The following NSD1 variants were observed in gnomAD, a reference collection of about 807,000 sequenced individuals.
NSD1 encodes the protein histone-lysine N-methyltransferase, H3 lysine-36 specific.
A neutral mutation model predicts 242.7 loss-of-function variants in NSD1; 26 were observed. The ratio of observed to expected loss-of-function variants is 0.11; its 90% CI spans 0.08 to 0.15. The LOEUF (loss-of-function observed/expected upper bound fraction) is 0.15. Among genes scored for constraint, NSD1 ranks in the 10% least tolerant of loss-of-function variants. The probability of loss-of-function intolerance (pLI) is 1.00; values close to 1 mark genes in which losing one functional copy is unlikely to be tolerated. For missense variants in NSD1, 2,495 were observed against 3,272.8 expected (o/e 0.76, Z 5.80); for synonymous variants, 1,106 against 1,178.1 (o/e 0.94, Z 1.25).
At chr5:177,215,095 A>G (rs776680707) in intron 5 of NSD1, among the ~76,000 whole-genome samples, 7 of 152,086 alleles carry the variant, frequency 4.6e-5, no homozygotes, top group Non-Finnish European at 7.3e-5. Flanking sequence ...GTTGATGGAC[A>G]TTTAGATTGC....
intron 20 of NSD1, among the ~76,000 whole-genome samples, chr5:177,285,291 C>T (rs367831775): frequency 6.6e-6 from 1 of 151,980 alleles, no homozygotes; most frequent in Admixed American, 6.6e-5. Flanking sequence ...TGGCTGGGCG[C>T]GATGGTTCAC....
In NSD1 at chr5:177,295,319, T is replaced by A. The variant is rs775460103; in HGVS notation, c.7951T>A (p.Ser2651Thr). 1.9e-6 allele frequency: 3 copies of A among 1,613,882 alleles called. No individual in the cohort carries two copies. The South Asian group carries it at 3.3e-5, about 18-fold the overall frequency. The change falls in exon 23 of 23, where the codon TCT (serine) becomes ACT (threonine). Residue 2651 changes from serine to threonine, a missense_variant. By Grantham distance (58) the Ser-to-Thr change is moderately conservative. Transcript: ENST00000439151. This position sits in a 1 kb window ranked among gnomAD's most constrained non-coding sequence, Gnocchi z 4.3. Reference protein sequence around the residue: ...AGQTLAQSCWSAGSTQTLAQT... With the variant: ...AGQTLAQSCWTAGSTQTLAQT... ...ACAGACACTGGCACAGTCTTGCTGG[T>A]CTGCTGGGAGCACACAGACATTGGC... is the stretch of plus-strand genomic sequence containing the variant.
intron 2 of NSD1, among the ~76,000 whole-genome samples, chr5:177,191,135 T>C (rs1280883802): frequency 6.6e-6 from 1 of 151,872 alleles, no homozygotes; most frequent in African/African-American, 2.4e-5. Flanking sequence ...CACCCCCGGC[T>C]AATTTTTGTA....
chr5:177,211,111 C>T lies in NSD1; in HGVS notation c.2712C>T (p.Asp904=), dbSNP rs2149846085. The T allele has an allele frequency of 1.2e-6, 2 of 1,614,148 alleles. No homozygotes were observed. Among genetic ancestry groups the T allele is most frequent in the Non-Finnish European group, 1.7e-6 (2 of 1,180,022 alleles). ...AGAATCACATACCTATTGAACCAGACTACAAATTCAGTACATTGCTAATGA... is the reference window on the plus strand; with the variant it reads ...AGAATCACATACCTATTGAACCAGATTACAAATTCAGTACATTGCTAATGA... ...SSQNHIPIEP[D]YKFSTLLMML... The change falls in exon 5 of 23, where the codon GAC becomes GAT. Residue 904 remains aspartate, a synonymous_variant. Coordinates refer to ENST00000439151, the MANE Select transcript of NSD1 (RefSeq NM_022455.5).
At position 177,158,236 on chromosome 5, in the gene NSD1, A is replaced by AATTTATTT. The variant is rs1316375987; in HGVS notation, c.927+22210_927+22211insATTTATTT. Among the ~76,000 whole-genome samples, 196 of 112,796 alleles carry AATTTATTT rather than the reference A, an allele frequency of 1.7e-3. 1 individual carries two copies. The highest frequency in any genetic ancestry group is 2.4e-3 in the Non-Finnish European group (122 of 51,672). The allele number at this position is 112,796 out of a possible 152,430, so 74.0% of individuals were successfully genotyped here. ...TCCTACTTTAGCCTATATGGGTTCTAATTTCTTTCTTTCTTTCTTTCTTTC... is the reference window on the plus strand; with the variant it reads ...TCCTACTTTAGCCTATATGGGTTCTAATTTATTTATTTCTTTCTTTCTTTCTTTCTTTC... On this transcript the variant is annotated intron_variant, in intron 2 of 22. Coordinates refer to ENST00000439151, the MANE Select transcript of NSD1 (RefSeq NM_022455.5).
Position 177,204,133 on chromosome 5 carries a change from G to T in NSD1, c.1077G>T (p.Arg359Ser). 6.2e-7 allele frequency: 1 copy of T among 1,613,986 alleles called. No homozygotes were observed. The highest frequency in any genetic ancestry group is 8.5e-7 in the Non-Finnish European group (1 of 1,179,922). Residue 359 changes from arginine to serine, a missense_variant, in exon 4 of 23, where the codon AGG (arginine) becomes AGT (serine). Physicochemically the swap from Arg to Ser is moderately radical, Grantham distance 110. Transcript: ENST00000439151. ...ACCCTTACCTAGTTTCCAACCGGAG[G>T]CCCTATCGGCAGTACTACGTGGAGG... Reference protein sequence around the residue: ...THSKMKVSNRRPYRQYYVEAF... With the variant: ...THSKMKVSNRSPYRQYYVEAF...
intron 2 of NSD1, among the ~76,000 whole-genome samples, chr5:177,172,508 T>C (rs1759799496): frequency 6.6e-6 from 1 of 152,196 alleles, no homozygotes; most frequent in Non-Finnish European, 1.5e-5. Context: ...GAATGGTTTT[T>C]ATCATATGAT....
At chr5:177,173,128 TA>T (rs1481821758) in intron 2 of NSD1, among the ~76,000 whole-genome samples, 1 of 151,106 alleles carries the variant, frequency 6.6e-6, no homozygotes, top group Non-Finnish European at 1.5e-5. Context: ...CTGTCTCTAC[TA>T]AAAATACAAA....
Position 177,235,959 on chromosome 5 carries a change from T to G in NSD1, c.3921+14T>G. ...CAGGTGCACAAGGTATGTTGCAAAA[T>G]TTCAGCAAACTTTCACTGGTCCTTA... On this transcript the variant is annotated intron_variant, in intron 6 of 22. Coordinates refer to ENST00000439151, the MANE Select transcript of NSD1 (RefSeq NM_022455.5). 6.2e-7 allele frequency: 1 copy of G among 1,613,800 alleles called. No homozygotes were observed. Among genetic ancestry groups the G allele is most frequent in the Non-Finnish European group, 8.5e-7 (1 of 1,179,794 alleles).
rs1760510834 is a variant in NSD1 at position 177,300,057 on chromosome 5, G to GCCTCC, written c.*4600_*4601insTCCCC. 1 of 129,930 alleles carries GCCTCC rather than the reference G, an allele frequency of 7.7e-6. No individual in the cohort carries two copies. Among genetic ancestry groups the GCCTCC allele is most frequent in the Admixed American group, 1.2e-4 (1 of 8,242 alleles). 8.0% of individuals were successfully genotyped at this position (129,930 alleles called of 1,614,324 possible). ...AGGTCCATCATTGCTTTTTTGCCGC[G>GCCTCC]CCCCCCCCCCCCCGCCCCCATAGAT... On this transcript the variant is annotated 3_prime_UTR_variant, in exon 23 of 23. Transcript: ENST00000439151.
intron 3 of NSD1, among the ~76,000 whole-genome samples, chr5:177,194,694 C>CTTTTTTTT (rs771213970): frequency 2.0e-5 from 1 of 49,032 alleles, no homozygotes; most frequent in African/African-American, 9.4e-5. Context: ...ATTTTAGTGT[C>CTTTTTTTT]TTTTTTTTTT....
chr5:177,183,818 T>C (rs1760889588), intron 2 of NSD1, among the ~76,000 whole-genome samples: 1 of 152,192 alleles, frequency 6.6e-6, no homozygotes, highest in African/African-American at 2.4e-5. Context: ...GTAACCATTT[T>C]TCTGTTGTCT....
rs193205813 is a variant in NSD1, at chr5:177,273,553, G to A, written c.5510-119G>A. The A allele has an allele frequency of 2.1e-4, 170 of 790,954 alleles. 1 individual carries two copies. In the African/African-American group the frequency reaches 2.4e-3, roughly 11 times the overall value. 49.0% of individuals were successfully genotyped at this position (790,954 alleles called of 1,614,324 possible). ...TTTTCTTTTTCATATAGCATTGGTC[G>A]ATTTTTGTGTAAAACATGGAGTTTC... On this transcript the variant is annotated intron_variant, in intron 16 of 22. Coordinates refer to ENST00000439151, the MANE Select transcript of NSD1 (RefSeq NM_022455.5).
At chr5:177,266,408 C>T (rs886813044) in intron 14 of NSD1, 2 of 642,676 alleles carry the variant, frequency 3.1e-6, no homozygotes. Flanking sequence ...TCCGAGCCCA[C>T]ATCCAGCACC....
chr5:177,182,617 C>G (rs1760786057), intron 2 of NSD1, among the ~76,000 whole-genome samples: 1 of 151,824 alleles, frequency 6.6e-6, no homozygotes, highest in Non-Finnish European at 1.5e-5. Flanking sequence ...CCCCTCCCCT[C>G]CCCGCTTTTT....
intron 2 of NSD1, among the ~76,000 whole-genome samples, chr5:177,155,089 C>T (rs1758020195): frequency 6.6e-6 from 1 of 151,650 alleles, no homozygotes; most frequent in Non-Finnish European, 1.5e-5. Context: ...CTCCTGGGTT[C>T]AAGTGATTCT....
chr5:177,241,754 A>G (rs1765889690), intron 8 of NSD1, among the ~76,000 whole-genome samples: 1 of 152,012 alleles, frequency 6.6e-6, no homozygotes. Context: ...CTGCCATCTG[A>G]CCTGGCCTAC....
chr5:177,197,106 A>C (rs1485294722), intron 3 of NSD1, among the ~76,000 whole-genome samples: 1 of 151,872 alleles, frequency 6.6e-6, no homozygotes, highest in African/African-American at 2.4e-5. Context: ...GTTTCTTCTA[A>C]AAACACACAA....
At position 177,295,562 on chromosome 5, in the gene NSD1, C is replaced by T. The variant is rs1374463582; in HGVS notation, c.*103C>T. ...CCCTTAAAAAAAAACACATCTGCCCCGAACACTTTCCCACTGTTATTCTTT... is the reference window on the plus strand; with the variant it reads ...CCCTTAAAAAAAAACACATCTGCCCTGAACACTTTCCCACTGTTATTCTTT... On this transcript the variant is annotated 3_prime_UTR_variant, in exon 23 of 23. Coordinates refer to ENST00000439151, the MANE Select transcript of NSD1 (RefSeq NM_022455.5). This position sits in a 1 kb window ranked among gnomAD's most constrained non-coding sequence, Gnocchi z 4.3. 1.1e-5 allele frequency: 13 copies of T among 1,173,180 alleles called. No individual in the cohort carries two copies. The highest frequency in any genetic ancestry group is 2.6e-5 in the South Asian group (2 of 75,966). The allele number at this position is 1,173,180 out of a possible 1,614,324, so 72.7% of individuals were successfully genotyped here. A position where few individuals can be genotyped will look rare whatever the true frequency, so the allele number is the denominator to read the frequency against.
Sources: allele counts gnomAD v4.1 joint callset (sites outside exome capture counted in the v4.1 genomes callset), GRCh38; gene constraint gnomAD v4.1.1; non-coding constraint Gnocchi (gnomAD v3.1); transcripts MANE v1.5; gene names NCBI Gene and HGNC (gene_info 2026-07-23, HGNC 2026-07-21).